Variants in CYP20A1 observed in about 807,000 individuals in gnomAD.
The protein encoded by CYP20A1 is cytochrome P450 20A1.
CYP20A1 carries 61 observed loss-of-function variants against 61.4 expected under a neutral mutation model. That is an observed-to-expected ratio of 0.99 (90% CI 0.81 to 1.23). CYP20A1 has a LOEUF of 1.23. CYP20A1 is among the 50% of genes most tolerant of loss of function. CYP20A1 has a pLI of 0.00. For synonymous variants in CYP20A1, 193 were observed against 188.2 expected (o/e 1.03, Z -0.21); for missense variants, 530 against 542.4 (o/e 0.98, Z 0.23).
In CYP20A1 at chr2:203,297,849, G is replaced by T. The variant is rs1197815845; in HGVS notation, c.*941G>T. On this transcript the variant is annotated 3_prime_UTR_variant, in exon 13 of 13. Transcript: ENST00000356079. ...CACACAAAAAAATTAGCTGGGCATGGTGGCACATGCCTGTAATCCCAGCTA... is the reference window on the plus strand; with the variant it reads ...CACACAAAAAAATTAGCTGGGCATGTTGGCACATGCCTGTAATCCCAGCTA... 6.6e-6 allele frequency: 1 copy of T among 152,294 alleles called. No individual in the cohort carries two copies. The highest frequency in any genetic ancestry group is 1.5e-5 in the Non-Finnish European group (1 of 68,150). The allele number at this position is 152,294 out of a possible 1,614,324, so 9.4% of individuals were successfully genotyped here.
At chr2:203,285,042 A>AGTGCTGGGGTTACAG (rs2068208964) in intron 8 of CYP20A1, among the ~76,000 whole-genome samples, 2 of 151,940 alleles carry the variant, frequency 1.3e-5, no homozygotes, top group Non-Finnish European at 1.5e-5. Flanking sequence ...CCCCTCCCGA[A>AGTGCTGGGGTTACAG]GTGCTGGGGT....
At chr2:203,261,503 G>A (rs1217993330) in intron 4 of CYP20A1, among the ~76,000 whole-genome samples, 1 of 143,444 alleles carries the variant, frequency 7.0e-6, no homozygotes, top group Non-Finnish European at 1.5e-5. Flanking sequence ...GAGCCCAGGA[G>A]CTACAGGATG....
intron 1 of CYP20A1, 46 bp downstream of exon 1, chr2:203,239,180 C>T: frequency 6.6e-7 from 1 of 1,524,090 alleles, no homozygotes; most frequent in Admixed American, 1.7e-5. Context: ...CCGCCCCAGT[C>T]TCTCTGTCGC....
chr2:203,251,078 A>AAG (rs2066651973), intron 3 of CYP20A1, among the ~76,000 whole-genome samples: 1 of 148,458 alleles, frequency 6.7e-6, no homozygotes, highest in Non-Finnish European at 1.5e-5. Context: ...AAAAAAAAAA[A>AAG]AAAAAAAGAG....
At position 203,246,741 on chromosome 2, in the gene CYP20A1, T is replaced by G; in HGVS notation, c.123-14T>G. ...TTAAATTGATTATTTTGTCAAATGTTGCTCTTTTGCCAGAGATGGTAATCT... is the reference window on the plus strand; with the variant it reads ...TTAAATTGATTATTTTGTCAAATGTGGCTCTTTTGCCAGAGATGGTAATCT... On this transcript the variant is annotated splice_polypyrimidine_tract_variant and intron_variant, in intron 2 of 12. Transcript: ENST00000356079. The G allele has an allele frequency of 6.2e-7, 1 of 1,608,110 alleles. No individual in the cohort carries two copies. The highest frequency in any genetic ancestry group is 8.5e-7 in the Non-Finnish European group (1 of 1,177,968).
Position 203,299,597 on chromosome 2 carries a change from G to A in CYP20A1, c.*2689G>A, listed in dbSNP as rs571973119. On this transcript the variant is annotated 3_prime_UTR_variant, in exon 13 of 13. Coordinates refer to ENST00000356079, the MANE Select transcript of CYP20A1 (RefSeq NM_177538.3). ...TAACTTAAATTCTAAAACTTTGGCC[G>A]GGCGTGATGGCTCATGCCTGTAATC... is the stretch of plus-strand genomic sequence containing the variant. 6.6e-6 allele frequency among the ~76,000 whole-genome samples: 1 copy of A among 152,064 alleles called. No homozygotes were observed. The highest frequency in any genetic ancestry group is 2.1e-4 in the South Asian group (1 of 4,798).
rs1031815461 is a variant in CYP20A1 at position 203,300,322 on chromosome 2, A to G, written c.*3414A>G. On this transcript the variant is annotated 3_prime_UTR_variant, in exon 13 of 13. Transcript: ENST00000356079. ...TTTTTTAAATAAAAGTACTGTTAAT[A>G]TATAAACTAAGTTATTCATTCACTG... 1.3e-5 allele frequency among the ~76,000 whole-genome samples: 2 copies of G among 152,226 alleles called. No individual in the cohort carries two copies. The highest frequency in any genetic ancestry group is 2.9e-5 in the Non-Finnish European group (2 of 68,034).
chr2:203,293,635 G>C (rs191196588), intron 11 of CYP20A1, among the ~76,000 whole-genome samples: 38 of 151,062 alleles, frequency 2.5e-4, no homozygotes, highest in African/African-American at 8.5e-4. Context: ...GGTGATTTCT[G>C]AGATTTTGGT....
At chr2:203,270,370 A>G (rs905808947) in intron 5 of CYP20A1, among the ~76,000 whole-genome samples, 2 of 151,948 alleles carry the variant, frequency 1.3e-5, no homozygotes, top group African/African-American at 4.8e-5. Context: ...TTTGTGACAC[A>G]GTATCACCAT....
At chr2:203,280,859 A>G (rs1473037037) in intron 8 of CYP20A1, among the ~76,000 whole-genome samples, 1 of 152,170 alleles carries the variant, frequency 6.6e-6, no homozygotes, top group Admixed American at 6.5e-5. Flanking sequence ...TTCTTGACAC[A>G]TTTTATGGAT....
chr2:203,283,253 G>A, intron 8 of CYP20A1, among the ~76,000 whole-genome samples: 1 of 112,046 alleles, frequency 8.9e-6, no homozygotes, highest in African/African-American at 3.4e-5. Flanking sequence ...GTCTCACTCT[G>A]TCGCCCAGGC....
chr2:203,304,983 G>GT lies in CYP20A1; in HGVS notation c.*8076dup, dbSNP rs1026991373. ...CATATACCTTTATTACTTCATTTTT[G>GT]TAAGAGCTTCAGGGAATAGGCTTTT... On this transcript the variant is annotated 3_prime_UTR_variant, in exon 13 of 13. Transcript: ENST00000356079. Among the ~76,000 whole-genome samples the GT allele has an allele frequency of 6.6e-6, 1 of 152,024 alleles. No homozygotes were observed. Among genetic ancestry groups the GT allele is most frequent in the Non-Finnish European group, 1.5e-5 (1 of 68,014 alleles).
intron 1 of CYP20A1, among the ~76,000 whole-genome samples, chr2:203,243,685 CTTT>C (rs36041824): frequency 1.1e-3 from 83 of 75,578 alleles, no homozygotes; most frequent in African/African-American, 1.1e-3. Flanking sequence ...CGCCTGGCCT[CTTT>C]TTTTTTTTTT....
Position 203,301,217 on chromosome 2 carries a change from G to T in CYP20A1, c.*4309G>T, listed in dbSNP as rs1217299508. On this transcript the variant is annotated 3_prime_UTR_variant, in exon 13 of 13. Transcript: ENST00000356079. Reference sequence around the variant, plus strand: ...ATCCAAAAAAAAAAAAAAACCATACGTACATAACTTTTTTTCTTTTTCTTT... The same window carrying T: ...ATCCAAAAAAAAAAAAAAACCATACTTACATAACTTTTTTTCTTTTTCTTT... Among the ~76,000 whole-genome samples the T allele has an allele frequency of 6.8e-6, 1 of 147,924 alleles. No homozygotes were observed. Among genetic ancestry groups the T allele is most frequent in the Non-Finnish European group, 1.5e-5 (1 of 66,982 alleles).
intron 1 of CYP20A1, among the ~76,000 whole-genome samples, chr2:203,241,672 T>C (rs917075851): frequency 6.6e-6 from 1 of 152,178 alleles, no homozygotes; most frequent in African/African-American, 2.4e-5. Context: ...ATTTTTTGTT[T>C]TGTTTCATTT....
chr2:203,266,781 G>C, intron 5 of CYP20A1, 100 bp downstream of exon 5: 1 of 955,086 alleles, frequency 1.0e-6, no homozygotes, highest in African/African-American at 1.6e-5. Flanking sequence ...AGGAGTTAAA[G>C]ACCAGCCTGC....
chr2:203,261,872 G>T (rs2152070234), intron 4 of CYP20A1, among the ~76,000 whole-genome samples: 1 of 152,142 alleles, frequency 6.6e-6, no homozygotes, highest in South Asian at 2.1e-4. Flanking sequence ...TCGTGGAGAG[G>T]TGTCTCACCT....
chr2:203,259,121 T>C (rs2067029728), intron 4 of CYP20A1, among the ~76,000 whole-genome samples: 1 of 152,216 alleles, frequency 6.6e-6, no homozygotes, highest in Non-Finnish European at 1.5e-5. Context: ...TTTTCTGTTG[T>C]TCCATATTCC....
chr2:203,289,870 T>A lies in CYP20A1; in HGVS notation c.1077T>A (p.Pro359=), dbSNP rs372309845. The A allele has an allele frequency of 6.6e-7, 1 of 1,520,890 alleles. No homozygotes were observed. The highest frequency in any genetic ancestry group is 9.0e-7 in the Non-Finnish European group (1 of 1,105,680). 94.2% of individuals were successfully genotyped at this position (1,520,890 alleles called of 1,614,324 possible). The change falls in exon 10 of 13, where the codon CCT becomes CCA. Residue 359 remains proline, a synonymous_variant. Coordinates refer to ENST00000356079, the MANE Select transcript of CYP20A1 (RefSeq NM_177538.3). ...GAAAAATTGACCGATTTATTATTCC[T>A]AGAGAGGTAGAAAACCTTTAATATG... The part of the protein sequence containing the change: ...IEGKIDRFII[P]RETLVLYALG...
Sources: gnomAD v4.1 joint callset for allele counts (sites outside exome capture counted in the v4.1 genomes callset) on GRCh38, gnomAD v4.1.1 for gene constraint, MANE v1.5 for transcripts, NCBI Gene and HGNC (gene_info 2026-07-23, HGNC 2026-07-21) for gene names.